The following UBE2E2 variants were observed in gnomAD, a reference collection of about 807,000 sequenced individuals.
UBE2E2 encodes ubiquitin-conjugating enzyme E2 E2.
UBE2E2 carries 6 observed loss-of-function variants against 24.7 expected under a neutral mutation model. That is an observed-to-expected ratio of 0.24 (90% CI 0.13 to 0.48). The LOEUF (loss-of-function observed/expected upper bound fraction) is 0.48. Among genes scored for constraint, UBE2E2 ranks in the 20% least tolerant of loss-of-function variants. UBE2E2 has a pLI of 0.99. For missense variants in UBE2E2, 169 were observed against 245.0 expected, an observed-to-expected ratio of 0.69 and a Z score of 2.07; for synonymous variants, 104 against 83.6, an observed-to-expected ratio of 1.24 and a Z score of -1.33.
intron 5 of UBE2E2, among the ~76,000 whole-genome samples, chr3:23,555,552 C>A (rs1695756610): frequency 6.6e-6 from 1 of 152,150 alleles, no homozygotes; most frequent in Non-Finnish European, 1.5e-5. Context: ...CATATAGATA[C>A]CTGCACTCTC....
At position 23,590,210 on chromosome 3, in the gene UBE2E2, G is replaced by T. The variant is rs980239208; in HGVS notation, c.*379G>T. The T allele has an allele frequency of 1.1e-4, 18 of 170,526 alleles. No individual in the cohort carries two copies. The highest frequency in any genetic ancestry group is 2.2e-4 in the Non-Finnish European group (18 of 80,250). The allele number at this position is 170,526 out of a possible 1,614,324, so 10.6% of individuals were successfully genotyped here. On this transcript the variant is annotated 3_prime_UTR_variant, in exon 6 of 6. Coordinates refer to ENST00000396703, the MANE Select transcript of UBE2E2 (RefSeq NM_152653.4). The stretch of plus-strand genomic sequence containing the variant: ...TTGTTTTTTTTGTTGTTGTTTATTT[G>T]ATTTTGATTTTTTTTTCTTTTATGT...
At chr3:23,387,689 A>G (rs1015004755) in intron 3 of UBE2E2, among the ~76,000 whole-genome samples, 3 of 152,156 alleles carry the variant, frequency 2.0e-5, no homozygotes, top group Admixed American at 1.3e-4. Context: ...TAAGCACTCA[A>G]CCGTTGAAGT....
At chr3:23,448,842 G>A (rs1385069684) in intron 3 of UBE2E2, among the ~76,000 whole-genome samples, 1 of 152,184 alleles carries the variant, frequency 6.6e-6, no homozygotes, top group Non-Finnish European at 1.5e-5. Context: ...AGGAGATTAA[G>A]TCAGGCAGAT....
rs80224847 is a variant in UBE2E2 at position 23,589,440 on chromosome 3, A to G, written c.509-294A>G. Among the ~76,000 whole-genome samples, 1 of 145,716 alleles carries G rather than the reference A, an allele frequency of 6.9e-6. No individual in the cohort carries two copies. Among genetic ancestry groups the G allele is most frequent in the African/African-American group, 2.6e-5 (1 of 38,664 alleles). Reference sequence around the variant, plus strand: ...CCTGTCTCAAAAGAAAAAAAAAAAAACCAATACGAGGGGAGCAAGGTGAGA... The same window carrying G: ...CCTGTCTCAAAAGAAAAAAAAAAAAGCCAATACGAGGGGAGCAAGGTGAGA... On this transcript the variant is annotated intron_variant, in intron 5 of 5. Transcript: ENST00000396703. This position sits in a 1 kb window ranked among gnomAD's most constrained non-coding sequence, Gnocchi z 4.1.
At chr3:23,523,608 C>A (rs1694917442) in intron 4 of UBE2E2, among the ~76,000 whole-genome samples, 1 of 98,226 alleles carries the variant, frequency 1.0e-5, no homozygotes. Flanking sequence ...GATAATATTC[C>A]TATGGGGTGG....
rs565034897 is a variant in UBE2E2, at chr3:23,521,581, G to A, written c.361-10973G>A. Among the ~76,000 whole-genome samples the A allele has an allele frequency of 1.2e-4, 19 of 152,310 alleles. No individual in the cohort carries two copies. The South Asian group carries it at 3.7e-3, about 30-fold the overall frequency. Reference sequence around the variant, plus strand: ...TGGTTGTTAAGTTTGTTATTCAAGAGCAATTGTTCTAGTACCTGACTGGGG... The same window carrying A: ...TGGTTGTTAAGTTTGTTATTCAAGAACAATTGTTCTAGTACCTGACTGGGG... On this transcript the variant is annotated intron_variant, in intron 4 of 5. Coordinates refer to ENST00000396703, the MANE Select transcript of UBE2E2 (RefSeq NM_152653.4).
rs1012501814 is a variant in UBE2E2 at position 23,339,666 on chromosome 3, G to T, written c.227+122354G>T. ...TTATTAAATTTGACTTTATAATTATGTTATGTTTAAATTTTGATTCCTGAG... is the reference window on the plus strand; with the variant it reads ...TTATTAAATTTGACTTTATAATTATTTTATGTTTAAATTTTGATTCCTGAG... On this transcript the variant is annotated intron_variant, in intron 3 of 5. Transcript: ENST00000396703. Among the ~76,000 whole-genome samples the T allele has an allele frequency of 1.2e-4, 18 of 147,292 alleles. No homozygotes were observed. The East Asian group carries it at 3.5e-3, about 28-fold the overall frequency.
At chr3:23,433,578 G>A (rs1183865351) in intron 3 of UBE2E2, among the ~76,000 whole-genome samples, 2 of 151,792 alleles carry the variant, frequency 1.3e-5, no homozygotes, top group South Asian at 2.1e-4. Flanking sequence ...TATTGGCTAT[G>A]ATTAACCAGA....
chr3:23,426,494 G>C (rs1426836166), intron 3 of UBE2E2, among the ~76,000 whole-genome samples: 1 of 150,590 alleles, frequency 6.6e-6, no homozygotes, highest in Non-Finnish European at 1.5e-5. Context: ...AATCTGGAAT[G>C]AAGCCTGATG....
chr3:23,279,117 A>G (rs1698433604), intron 3 of UBE2E2, among the ~76,000 whole-genome samples: 1 of 152,142 alleles, frequency 6.6e-6, no homozygotes. Context: ...GTTGTAATAA[A>G]CATGGTTTTA....
intron 3 of UBE2E2, among the ~76,000 whole-genome samples, chr3:23,333,302 A>C (rs922434624): frequency 2.3e-4 from 35 of 152,224 alleles, no homozygotes; most frequent in Non-Finnish European, 3.1e-4. Flanking sequence ...TATGATATTT[A>C]TCTATGTCTC....
intron 3 of UBE2E2, among the ~76,000 whole-genome samples, chr3:23,223,176 T>A (rs550980861): frequency 2.0e-5 from 3 of 150,468 alleles, no homozygotes; most frequent in Non-Finnish European, 4.4e-5. Context: ...CATGCCACCA[T>A]GCTCAGCTGA....
intron 3 of UBE2E2, among the ~76,000 whole-genome samples, chr3:23,219,634 T>G (rs1241150903): frequency 6.6e-6 from 1 of 152,144 alleles, no homozygotes; most frequent in East Asian, 1.9e-4. Flanking sequence ...GAAGTCAGAG[T>G]CCTTTACTTA....
chr3:23,423,702 A>G (rs1347074638), intron 3 of UBE2E2, among the ~76,000 whole-genome samples: 2 of 152,216 alleles, frequency 1.3e-5, no homozygotes, highest in Non-Finnish European at 2.9e-5. Flanking sequence ...AAATACCTAT[A>G]CTGGAATATA....
intron 5 of UBE2E2, among the ~76,000 whole-genome samples, chr3:23,567,526 A>G (rs1056314285): frequency 3.9e-5 from 6 of 152,234 alleles, no homozygotes; most frequent in Non-Finnish European, 8.8e-5. Context: ...GGTCACTTAT[A>G]GGAAATGGAT....
rs1304189186 is a variant in UBE2E2, at chr3:23,348,071, G to A, written c.227+130759G>A. 6.6e-5 allele frequency among the ~76,000 whole-genome samples: 10 copies of A among 152,090 alleles called. 1 individual carries two copies. The South Asian group carries it at 1.7e-3, about 25-fold the overall frequency. On this transcript the variant is annotated intron_variant, in intron 3 of 5. Transcript: ENST00000396703. ...AAGCCTATTCAAAAGGAGAGGGGTAGGACACATCTCACCATCAATCATCGC... is the reference window on the plus strand; with the variant it reads ...AAGCCTATTCAAAAGGAGAGGGGTAAGACACATCTCACCATCAATCATCGC...
intron 3 of UBE2E2, among the ~76,000 whole-genome samples, chr3:23,497,091 G>A (rs1413487516): frequency 6.6e-6 from 1 of 152,136 alleles, no homozygotes; most frequent in South Asian, 2.1e-4. Flanking sequence ...CGTGTTTATT[G>A]TTACCCTGAG....
intron 3 of UBE2E2, among the ~76,000 whole-genome samples, chr3:23,493,685 A>C (rs889426535): frequency 6.6e-6 from 1 of 152,214 alleles, no homozygotes; most frequent in Non-Finnish European, 1.5e-5. Context: ...ATTTCCTAAG[A>C]GTGGCAGCAG....
intron 3 of UBE2E2, among the ~76,000 whole-genome samples, chr3:23,298,125 G>A (rs1367815536): frequency 6.6e-6 from 1 of 152,120 alleles, no homozygotes; most frequent in African/African-American, 2.4e-5. Flanking sequence ...TGTGATTTTT[G>A]TACATTGAAT....
Sources: allele counts gnomAD v4.1 joint callset (sites outside exome capture counted in the v4.1 genomes callset), GRCh38; gene constraint gnomAD v4.1.1; non-coding constraint Gnocchi (gnomAD v3.1); transcripts MANE v1.5; gene names NCBI Gene and HGNC (gene_info 2026-07-23, HGNC 2026-07-21).